The following GPC6 variants were observed in gnomAD, a reference collection of about 807,000 sequenced individuals.
GPC6 encodes the protein glypican 6, also known as glypican-6.
A neutral mutation model predicts 55.2 loss-of-function variants in GPC6; 14 were observed. That is an observed-to-expected ratio of 0.25 (90% CI 0.17 to 0.40). The LOEUF (loss-of-function observed/expected upper bound fraction) is 0.40. Among genes scored for constraint, GPC6 ranks in the 10% least tolerant of loss-of-function variants. The pLI is 1.00. For missense variants in GPC6, 641 were observed against 708.5 expected, an observed-to-expected ratio of 0.90 and a Z score of 1.08; for synonymous variants, 278 against 259.6, an observed-to-expected ratio of 1.07 and a Z score of -0.68.
chr13:94,295,957 G>A lies in GPC6; in HGVS notation c.1008+9478G>A, dbSNP rs578221661. On this transcript the variant is annotated intron_variant, in intron 5 of 8. Transcript: ENST00000377047. ...CAGTTCCCACTTACTGCGCTCCACC[G>A]AGAAACAGGGACCTTGAAACATCGT... 3.9e-4 allele frequency among the ~76,000 whole-genome samples: 59 copies of A among 151,842 alleles called. 1 individual carries two copies. The highest frequency in any genetic ancestry group is 3.4e-3 in the Middle Eastern group (1 of 294).
intron 3 of GPC6, among the ~76,000 whole-genome samples, chr13:93,924,546 A>G (rs1877750807): frequency 2.6e-5 from 4 of 152,306 alleles, no homozygotes; most frequent in Middle Eastern, 6.8e-3. Flanking sequence ...TCAACCCTGT[A>G]TTCATTAAAA....
rs78629582 is a variant in GPC6, at chr13:93,423,925, A to C, written c.161-121338A>C. ...TTTAAGGAATGGATGACCTGTGACC[A>C]CCGAGACACTTGAGAAAAAGTACAA... On this transcript the variant is annotated intron_variant, in intron 1 of 8. Coordinates refer to ENST00000377047, the MANE Select transcript of GPC6 (RefSeq NM_005708.5). Among the ~76,000 whole-genome samples the C allele has an allele frequency of 6.0e-3, 907 of 152,230 alleles. 22 individuals carry two copies. Among genetic ancestry groups the C allele is most frequent in the Admixed American group, 0.043 (658 of 15,268 alleles).
intron 4 of GPC6, among the ~76,000 whole-genome samples, chr13:94,069,984 GCC>G (rs1195046566): frequency 6.6e-6 from 1 of 152,128 alleles, no homozygotes; most frequent in Non-Finnish European, 1.5e-5. Context: ...TTTTAGCAGT[GCC>G]CCACTCTACT....
intron 5 of GPC6, among the ~76,000 whole-genome samples, chr13:94,291,172 G>A (rs13378728): frequency 0.029 from 4,445 of 151,606 alleles, 224 homozygotes; most frequent in African/African-American, 0.099. Flanking sequence ...TAGCCTGGGC[G>A]AGAGAGCAAG....
At chr13:94,292,256 ATAACCC>A (rs10623870) in intron 5 of GPC6, among the ~76,000 whole-genome samples, 16 of 150,924 alleles carry the variant, frequency 1.1e-4, no homozygotes, top group African/African-American at 3.7e-4. Flanking sequence ...TAATCGATGC[ATAACCC>A]TAACCCTAAC....
At chr13:94,274,319 G>T (rs994983098) in intron 4 of GPC6, among the ~76,000 whole-genome samples, 3 of 152,120 alleles carry the variant, frequency 2.0e-5, no homozygotes, top group Non-Finnish European at 4.4e-5. Flanking sequence ...CCTGGATTTG[G>T]TTTCAAAGTA....
chr13:93,346,513 A>G (rs1880436641), intron 1 of GPC6, among the ~76,000 whole-genome samples: 2 of 152,166 alleles, frequency 1.3e-5, no homozygotes, highest in Admixed American at 1.3e-4. Context: ...CATGGGTGAC[A>G]GTTTCCCTGT....
In GPC6 at chr13:94,155,304, C is replaced by T. The variant is rs539351311; in HGVS notation, c.877+127410C>T. On this transcript the variant is annotated intron_variant, in intron 4 of 8. Coordinates refer to ENST00000377047, the MANE Select transcript of GPC6 (RefSeq NM_005708.5). ...TTCTCCTAATGACCCAAGCCAGAAACGAGTTATCATCTGGATTCTGCTCTC... is the reference window on the plus strand; with the variant it reads ...TTCTCCTAATGACCCAAGCCAGAAATGAGTTATCATCTGGATTCTGCTCTC... Among the ~76,000 whole-genome samples the T allele has an allele frequency of 5.9e-5, 9 of 152,226 alleles. No individual in the cohort carries two copies. In the South Asian group the frequency reaches 1.5e-3, roughly 25 times the overall value.
chr13:94,124,054 C>T (rs1209378596), intron 4 of GPC6, among the ~76,000 whole-genome samples: 1 of 151,992 alleles, frequency 6.6e-6, no homozygotes, highest in East Asian at 1.9e-4. Flanking sequence ...AAATTAAAAT[C>T]TTGTAAAAGC....
intron 2 of GPC6, among the ~76,000 whole-genome samples, chr13:93,558,198 A>G (rs1481166229): frequency 6.6e-6 from 1 of 152,212 alleles, no homozygotes; most frequent in Non-Finnish European, 1.5e-5. Context: ...TGAAACTACG[A>G]TATACATAAA....
chr13:93,529,827 C>T (rs540521431), intron 1 of GPC6, among the ~76,000 whole-genome samples: 1 of 152,174 alleles, frequency 6.6e-6, no homozygotes, highest in African/African-American at 2.4e-5. Flanking sequence ...CTCTGAGATT[C>T]TTAAGCACAA....
At chr13:93,395,864 G>A (rs1282734527) in intron 1 of GPC6, 1 of 152,292 alleles carries the variant, frequency 6.6e-6, no homozygotes, top group African/African-American at 2.4e-5. Flanking sequence ...CTTCAACAAT[G>A]TGGGCAGAAA....
At chr13:93,415,373 T>C (rs1876658629) in intron 1 of GPC6, among the ~76,000 whole-genome samples, 1 of 152,144 alleles carries the variant, frequency 6.6e-6, no homozygotes, top group African/African-American at 2.4e-5. Flanking sequence ...ATAAGACCTT[T>C]CCATATTTAT....
chr13:93,563,181 A>G (rs759040248), intron 2 of GPC6, among the ~76,000 whole-genome samples: 8 of 152,174 alleles, frequency 5.3e-5, no homozygotes, highest in Non-Finnish European at 1.0e-4. Flanking sequence ...CACTTCGACA[A>G]TATTGGATAT....
At chr13:94,276,602 C>T (rs1040802678) in intron 4 of GPC6, among the ~76,000 whole-genome samples, 6 of 151,982 alleles carry the variant, frequency 3.9e-5, no homozygotes, top group African/African-American at 1.4e-4. Context: ...CCTTGCCTCC[C>T]TAACAGGCCC....
chr13:93,730,523 C>T (rs867913176), intron 2 of GPC6, among the ~76,000 whole-genome samples: 2 of 152,088 alleles, frequency 1.3e-5, no homozygotes, highest in East Asian at 1.9e-4. Flanking sequence ...GCATGGCCCT[C>T]CCCCAGAGCC....
In GPC6 at chr13:93,693,461, CTGTGTG is replaced by C. The variant is rs35459356; in HGVS notation, c.320-136657_320-136652del. On this transcript the variant is annotated intron_variant, in intron 2 of 8. Coordinates refer to ENST00000377047, the MANE Select transcript of GPC6 (RefSeq NM_005708.5). ...TATATGTGTGTGTGTGTATGTATAT[CTGTGTG>C]TGTGTGTGTGTGTGTGTGTGTGTGT... Among the ~76,000 whole-genome samples, 804 of 139,404 alleles carry C rather than the reference CTGTGTG, an allele frequency of 5.8e-3. 4 individuals carry two copies. Among genetic ancestry groups the C allele is most frequent in the African/African-American group, 8.2e-3 (311 of 37,720 alleles). 91.5% of individuals were successfully genotyped at this position (139,404 alleles called of 152,430 possible). A position where few individuals can be genotyped will look rare whatever the true frequency, so the allele number is the denominator to read the frequency against.
chr13:93,887,836 A>C (rs751770985), intron 3 of GPC6, among the ~76,000 whole-genome samples: 10 of 152,122 alleles, frequency 6.6e-5, no homozygotes, highest in Non-Finnish European at 1.5e-4. Context: ...AGAGGTAGCA[A>C]AATTTTATAT....
intron 2 of GPC6, among the ~76,000 whole-genome samples, chr13:93,560,618 G>A (rs1346691567): frequency 4.6e-5 from 7 of 151,962 alleles, no homozygotes; most frequent in African/African-American, 1.7e-4. Flanking sequence ...CACTTTGAGA[G>A]GCCAAGGCGG....
Sources: allele counts gnomAD v4.1 joint callset (sites outside exome capture counted in the v4.1 genomes callset), GRCh38; gene constraint gnomAD v4.1.1; transcripts MANE v1.5; gene names NCBI Gene and HGNC (gene_info 2026-07-23, HGNC 2026-07-21).